Variants in EIF3J observed in about 807,000 individuals in gnomAD.
EIF3J encodes eukaryotic translation initiation factor 3, subunit 1 (alpha, 35kD).
Under a neutral mutation model 39.0 loss-of-function variants are expected in EIF3J, and 15 were observed. The observed-to-expected ratio is 0.38, with a 90% confidence interval of 0.26 to 0.59. EIF3J has a LOEUF of 0.59. Among genes scored for constraint, EIF3J ranks in the 20% least tolerant of loss-of-function variants. EIF3J has a pLI of 0.60. For synonymous variants in EIF3J, 98 were observed against 112.9 expected (o/e 0.87, Z 0.84); for missense variants, 226 against 308.6 (o/e 0.73, Z 2.00).
intron 2 of EIF3J, among the ~76,000 whole-genome samples, chr15:44,547,980 G>T (rs577481754): frequency 6.6e-5 from 10 of 152,082 alleles, no homozygotes; most frequent in African/African-American, 2.4e-4. Flanking sequence ...TGCTAATGGA[G>T]AAGCTTTCTT....
At chr15:44,550,771 A>G in intron 2 of EIF3J, 105 bp from the exon 3 acceptor site, 1 of 822,320 alleles carries the variant, frequency 1.2e-6, no homozygotes, top group East Asian at 2.5e-5. Context: ...AATGCAGTAC[A>G]AAAAAATACC....
Position 44,557,542 on chromosome 15 carries a change from G to C in EIF3J, c.463G>C (p.Asp155His). The C allele has an allele frequency of 6.4e-7, 1 of 1,556,800 alleles. No homozygotes were observed. The highest frequency in any genetic ancestry group is 8.7e-7 in the Non-Finnish European group (1 of 1,154,456). Residue 155 changes from aspartate to histidine, a missense_variant, in exon 6 of 8, where the codon GAC (aspartate) becomes CAC (histidine). This residue lies in a region of EIF3J where 83 missense variants were observed against 152.6 expected (regional missense o/e 0.54). Transcript: ENST00000261868. Reference protein sequence around the residue: ...IDAMNPSSRDDFTEFGKLLKD... With the variant: ...IDAMNPSSRDHFTEFGKLLKD... ...TGCTATGAACCCATCTTCAAGAGAT[G>C]ACTTTACAGAGTTTGGAAAGTTACT...
intron 7 of EIF3J, chr15:44,560,631 A>G (rs1292046398): frequency 5.6e-6 from 2 of 359,938 alleles, no homozygotes; most frequent in Non-Finnish European, 1.0e-5. Flanking sequence ...AATAGGAACA[A>G]TAATACTCAC....
chr15:44,541,045 A>G (rs1249094087), intron 2 of EIF3J, among the ~76,000 whole-genome samples: 1 of 152,214 alleles, frequency 6.6e-6, no homozygotes, highest in Non-Finnish European at 1.5e-5. Flanking sequence ...CCGTTAATAT[A>G]TATGGCAAGA....
chr15:44,560,381 C>T, intron 7 of EIF3J, 59 bp downstream of exon 7: 4 of 1,482,712 alleles, frequency 2.7e-6, no homozygotes, highest in South Asian at 2.4e-5. Flanking sequence ...ATAGGTCTAA[C>T]AGTCAACAAA....
intron 2 of EIF3J, 46 bp downstream of exon 2, chr15:44,537,473 C>G (rs2081968736): frequency 6.9e-7 from 1 of 1,453,872 alleles, no homozygotes; most frequent in Non-Finnish European, 9.0e-7. Flanking sequence ...CGGGCTGGCG[C>G]TGTTGCCGGC....
chr15:44,553,479 G>C (rs1302824295), intron 4 of EIF3J, among the ~76,000 whole-genome samples: 3 of 150,462 alleles, frequency 2.0e-5, no homozygotes, highest in Non-Finnish European at 3.0e-5. Context: ...GCGACAGAGC[G>C]AGACTCCATC....
chr15:44,560,935 G>A, intron 7 of EIF3J, 83 bp from the exon 8 acceptor site: 1 of 1,536,364 alleles, frequency 6.5e-7, no homozygotes. Flanking sequence ...AGGTTTTTGT[G>A]TGTTTGTTTA....
At chr15:44,560,933 G>A (rs2082188067) in intron 7 of EIF3J, 85 bp from the exon 8 acceptor site, 1 of 1,527,752 alleles carries the variant, frequency 6.5e-7, no homozygotes, top group African/African-American at 1.4e-5. Flanking sequence ...AAAGGTTTTT[G>A]TGTGTTTGTT....
At chr15:44,542,612 A>G (rs770925058) in intron 2 of EIF3J, among the ~76,000 whole-genome samples, 3 of 152,232 alleles carry the variant, frequency 2.0e-5, no homozygotes, top group Non-Finnish European at 4.4e-5. Flanking sequence ...TTAGAAATAA[A>G]AAGAAAGCAA....
chr15:44,547,266 C>T (rs959927399), intron 2 of EIF3J, among the ~76,000 whole-genome samples: 1 of 151,904 alleles, frequency 6.6e-6, no homozygotes, highest in Non-Finnish European at 1.5e-5. Flanking sequence ...GCCTCAGCCT[C>T]CCGAGTAGCT....
chr15:44,544,246 C>T (rs1196424154), intron 2 of EIF3J, among the ~76,000 whole-genome samples: 2 of 151,588 alleles, frequency 1.3e-5, no homozygotes, highest in Non-Finnish European at 2.9e-5. Flanking sequence ...AGGTGCACAC[C>T]ACCACGCCCT....
At position 44,537,370 on chromosome 15, in the gene EIF3J, C is replaced by T; in HGVS notation, c.90C>T (p.Gly30=). 6.4e-7 allele frequency: 1 copy of T among 1,568,580 alleles called. No homozygotes were observed. The highest frequency in any genetic ancestry group is 1.2e-5 in the South Asian group (1 of 85,830). The change falls in exon 2 of 8, where the codon GGC becomes GGT. Residue 30 remains glycine (G), a synonymous_variant. Coordinates refer to ENST00000261868, the MANE Select transcript of EIF3J (RefSeq NM_003758.4). ...SVEDPVRKVG[G]GGTAGGDRWE... ...AAGACCCAGTGCGGAAGGTGGGGGG[C>T]GGCGGCACTGCCGGCGGGGACCGCT... is the stretch of plus-strand genomic sequence containing the variant.
intron 2 of EIF3J, among the ~76,000 whole-genome samples, chr15:44,537,964 A>T (rs2081974450): frequency 6.6e-6 from 1 of 152,190 alleles, no homozygotes; most frequent in Non-Finnish European, 1.5e-5. Context: ...GTAAAGGGAA[A>T]TAACTTTTGG....
At chr15:44,555,803 A>G (rs2082139694) in intron 5 of EIF3J, among the ~76,000 whole-genome samples, 1 of 152,218 alleles carries the variant, frequency 6.6e-6, no homozygotes, top group Non-Finnish European at 1.5e-5. Context: ...TTAATAACTA[A>G]TCTACTTGAC....
intron 2 of EIF3J, among the ~76,000 whole-genome samples, chr15:44,539,547 C>T (rs975081506): frequency 2.0e-5 from 3 of 150,764 alleles, no homozygotes; most frequent in Admixed American, 6.6e-5. Flanking sequence ...ACTACAGGTG[C>T]CCACCACCAC....
chr15:44,537,490 T>C (rs2081969055), intron 2 of EIF3J, 63 bp downstream of exon 2: 1 of 1,425,766 alleles, frequency 7.0e-7, no homozygotes, highest in South Asian at 1.5e-5. Flanking sequence ...CGGCCGACTC[T>C]GGGCCCCGGG....
intron 6 of EIF3J, 86 bp from the exon 7 acceptor site, chr15:44,560,159 TATAG>T (rs1206611214): frequency 1.0e-6 from 1 of 978,112 alleles, no homozygotes; most frequent in African/African-American, 1.6e-5. Context: ...TTTTGGGATA[TATAG>T]ATATATATGG....
chr15:44,540,862 A>G (rs2082009439), intron 2 of EIF3J, among the ~76,000 whole-genome samples: 1 of 152,214 alleles, frequency 6.6e-6, no homozygotes, highest in Non-Finnish European at 1.5e-5. Flanking sequence ...TTAAAAATAC[A>G]GGTTTAATGT....
Sources: allele counts gnomAD v4.1 joint callset (sites outside exome capture counted in the v4.1 genomes callset), GRCh38; gene constraint gnomAD v4.1.1; regional missense constraint gnomAD v4.1.1; transcripts MANE v1.5; gene names NCBI Gene and HGNC (gene_info 2026-07-23, HGNC 2026-07-21).